The following ANK1 variants were observed in gnomAD, a reference collection of about 807,000 sequenced individuals.
ANK1 encodes the protein ankyrin 1, also known as ankyrin-1.
ANK1 carries 51 observed loss-of-function variants against 210.4 expected under a neutral mutation model. That is an observed-to-expected ratio of 0.24 (90% CI 0.19 to 0.31). The LOEUF is 0.31. ANK1 is among the 10% of genes least tolerant of loss of function. The pLI is 1.00. For synonymous variants in ANK1, 967 were observed against 1,025.9 expected (o/e 0.94, Z 1.10); for missense variants, 2,051 against 2,504.4 (o/e 0.82, Z 3.86).
intron 1 of ANK1, among the ~76,000 whole-genome samples, chr8:41,826,643 A>C (rs1382181850): frequency 6.6e-6 from 1 of 152,230 alleles, no homozygotes; most frequent in Non-Finnish European, 1.5e-5. Context: ...CAAAAAGTAA[A>C]AAGAGGAAAC....
At chr8:41,826,507 C>T (rs1377779321) in intron 1 of ANK1, among the ~76,000 whole-genome samples, 1 of 152,218 alleles carries the variant, frequency 6.6e-6, no homozygotes, top group African/African-American at 2.4e-5. Flanking sequence ...CCCTGCACCC[C>T]AGGCTCACTG....
In ANK1 at chr8:41,727,331, C is replaced by T; in HGVS notation, c.345G>A (p.Leu115=). 1 of 1,614,120 alleles carries T rather than the reference C, an allele frequency of 6.2e-7. No homozygotes were observed. Among genetic ancestry groups the T allele is most frequent in the Non-Finnish European group, 8.5e-7 (1 of 1,179,978 alleles). Residue 115 remains leucine (L), a synonymous_variant, in exon 5 of 43, where the codon CTG becomes CTA. Transcript: ENST00000289734. The part of the protein sequence containing the change: ...NAQSQKGFTP[L]YMAAQENHLE... ...AGTGGTTCTCTTGTGCTGCCATGTA[C>T]AGGGGTGTAAAACCTTTCTGTAAAC... is the stretch of plus-strand genomic sequence containing the variant.
chr8:41,698,339 A>G (rs1821688260), intron 23 of ANK1, among the ~76,000 whole-genome samples: 1 of 152,238 alleles, frequency 6.6e-6, no homozygotes, highest in Non-Finnish European at 1.5e-5. Flanking sequence ...ACCTGTTGAC[A>G]GAATCCTCGC....
At chr8:41,864,123 G>T (rs1813826180) in intron 1 of ANK1, among the ~76,000 whole-genome samples, 1 of 151,930 alleles carries the variant, frequency 6.6e-6, no homozygotes, top group Non-Finnish European at 1.5e-5. Flanking sequence ...GGCGGCAGGT[G>T]CCTGTAGTCC....
At chr8:41,854,716 G>A (rs1247392044) in intron 1 of ANK1, among the ~76,000 whole-genome samples, 2 of 152,132 alleles carry the variant, frequency 1.3e-5, no homozygotes, top group African/African-American at 2.4e-5. Context: ...AACAGAGGAG[G>A]GTGACTTCAG....
intron 1 of ANK1, among the ~76,000 whole-genome samples, chr8:41,894,207 C>G (rs941292135): frequency 1.3e-5 from 2 of 152,088 alleles, no homozygotes; most frequent in Non-Finnish European, 2.9e-5. Context: ...ACTGCTATCA[C>G]TTTAAATGAA....
At position 41,873,635 on chromosome 8, in the gene ANK1, G is replaced by T. The variant is rs185741719; in HGVS notation, c.126+22720C>A. 3.5e-4 allele frequency among the ~76,000 whole-genome samples: 54 copies of T among 152,310 alleles called. 1 individual carries two copies. The East Asian group carries it at 9.8e-3, about 28-fold the overall frequency. On this transcript the variant is annotated intron_variant, in intron 1 of 42. Transcript: ENST00000265709. ...ATAAAATTAAACAGCACAGACCAGA[G>T]CCAAGCCCTCTGTAAGCTGGCACGT...
intron 1 of ANK1, among the ~76,000 whole-genome samples, chr8:41,846,176 G>A (rs1810020848): frequency 6.6e-6 from 1 of 152,202 alleles, no homozygotes; most frequent in Non-Finnish European, 1.5e-5. Context: ...GACAAAGCAG[G>A]CCTGAGTATG....
chr8:41,857,040 G>C (rs895949253), intron 1 of ANK1, among the ~76,000 whole-genome samples: 2 of 151,506 alleles, frequency 1.3e-5, no homozygotes, highest in Non-Finnish European at 2.9e-5. Flanking sequence ...CACCATGCCC[G>C]GCTAAATTTT....
chr8:41,784,902 G>A (rs192849061), intron 1 of ANK1, among the ~76,000 whole-genome samples: 11 of 152,376 alleles, frequency 7.2e-5, no homozygotes, highest in Admixed American at 5.2e-4. Flanking sequence ...GTGATACAAA[G>A]TTTCCAAAAG....
At chr8:41,699,259 G>A (rs1323439555) in intron 23 of ANK1, among the ~76,000 whole-genome samples, 193 bp downstream of exon 23, 1 of 152,178 alleles carries the variant, frequency 6.6e-6, no homozygotes, top group Non-Finnish European at 1.5e-5. Flanking sequence ...GCAGCACGGT[G>A]TGAGGGAGGC....
At chr8:41,664,871 G>T in intron 39 of ANK1, 1 of 1,613,768 alleles carries the variant, frequency 6.2e-7, no homozygotes. Flanking sequence ...TGAGGCCCTC[G>T]CTCTCCCCCA....
At position 41,654,129 on chromosome 8, in the gene ANK1, G is replaced by A. The variant is rs755140068; in HGVS notation, c.*1661C>T. 6.6e-6 allele frequency: 1 copy of A among 152,600 alleles called. No individual in the cohort carries two copies. Among genetic ancestry groups the A allele is most frequent in the East Asian group, 1.9e-4 (1 of 5,164 alleles). The allele number at this position is 152,600 out of a possible 1,614,324, so 9.5% of individuals were successfully genotyped here. ...CCGTCCACACCGCGGCTCCAGGGGC[G>A]AGAGGAGCCAGCCCTGTCTCTCTCT... On this transcript the variant is annotated 3_prime_UTR_variant, in exon 43 of 43. Coordinates refer to ENST00000289734, the MANE Select transcript of ANK1 (RefSeq NM_000037.4).
At chr8:41,686,847 C>T (rs1817812725) in intron 35 of ANK1, among the ~76,000 whole-genome samples, 1 of 152,150 alleles carries the variant, frequency 6.6e-6, no homozygotes, top group African/African-American at 2.4e-5. Flanking sequence ...AGCCAAAATC[C>T]CCCATTATTT....
At chr8:41,778,733 T>C (rs34421889) in intron 1 of ANK1, among the ~76,000 whole-genome samples, 41,631 of 152,128 alleles carry the variant, frequency 0.27, 6,721 homozygotes, top group East Asian at 0.73. Context: ...CGTTGTGAGG[T>C]TGGAGGGAGT....
At chr8:41,776,295 C>T (rs536820595) in intron 1 of ANK1, among the ~76,000 whole-genome samples, 13 of 152,318 alleles carry the variant, frequency 8.5e-5, no homozygotes, top group Admixed American at 7.8e-4. Flanking sequence ...CAATCACTAT[C>T]ACATTCAATG....
chr8:41,809,504 C>A (rs556918237), intron 1 of ANK1, among the ~76,000 whole-genome samples: 1 of 152,172 alleles, frequency 6.6e-6, no homozygotes, highest in African/African-American at 2.4e-5. Flanking sequence ...TGGTGGCTCA[C>A]GCCTGTCACC....
intron 2 of ANK1, among the ~76,000 whole-genome samples, chr8:41,748,119 G>C (rs2355257): frequency 0.47 from 71,677 of 152,024 alleles, 18,797 homozygotes; most frequent in South Asian, 0.6. Context: ...GCAGGTACCA[G>C]GTGCCAGGCA....
intron 2 of ANK1, among the ~76,000 whole-genome samples, chr8:41,755,123 G>T (rs1279696978): frequency 1.3e-5 from 2 of 152,248 alleles, no homozygotes; most frequent in Non-Finnish European, 2.9e-5. Context: ...CTGAAGCAGG[G>T]CTGACAGCCA....
Sources: allele counts gnomAD v4.1 joint callset (sites outside exome capture counted in the v4.1 genomes callset), GRCh38; gene constraint gnomAD v4.1.1; transcripts MANE v1.5; gene names NCBI Gene and HGNC (gene_info 2026-07-23, HGNC 2026-07-21).